The following NTM variants were observed in gnomAD, a reference collection of about 807,000 sequenced individuals.
NTM encodes neurotrimin, also known as IgLON family member 2.
A neutral mutation model predicts 42.1 loss-of-function variants in NTM; 13 were observed. That is an observed-to-expected ratio of 0.31 (90% confidence interval 0.20 to 0.49). The LOEUF (loss-of-function observed/expected upper bound fraction) is 0.49. Ranked by LOEUF, NTM falls within the 20% of genes least tolerant of loss-of-function variation. The probability of loss-of-function intolerance (pLI) is 0.99; values close to 1 mark genes in which losing one functional copy is unlikely to be tolerated. For synonymous variants in NTM, 187 were observed against 179.2 expected (o/e 1.04, Z -0.35); for missense variants, 373 against 452.8 (o/e 0.82, Z 1.60).
chr11:132,125,053 A>G (rs1041791880), intron 2 of NTM, among the ~76,000 whole-genome samples: 1 of 152,178 alleles, frequency 6.6e-6, no homozygotes, highest in Non-Finnish European at 1.5e-5. Flanking sequence ...CTTGAGTTCT[A>G]GAGCACAACC....
At chr11:132,204,370 T>G (rs1010077944) in intron 3 of NTM, among the ~76,000 whole-genome samples, 1 of 152,206 alleles carries the variant, frequency 6.6e-6, no homozygotes, top group Non-Finnish European at 1.5e-5. Flanking sequence ...GAAAAATTGT[T>G]GAACACAAAC....
At chr11:132,189,667 C>CACACAG (rs1282097627) in intron 3 of NTM, among the ~76,000 whole-genome samples, 4 of 151,646 alleles carry the variant, frequency 2.6e-5, no homozygotes, top group African/African-American at 9.7e-5. Context: ...CACACACACA[C>CACACAG]AGACACACAC....
chr11:131,440,598 A>G (rs945602604), intron 1 of NTM, among the ~76,000 whole-genome samples: 9 of 151,952 alleles, frequency 5.9e-5, no homozygotes, highest in African/African-American at 1.9e-4. Flanking sequence ...ATGGCCCCTG[A>G]AAGTGCATCT....
chr11:131,967,823 G>C (rs1376308903), intron 2 of NTM, among the ~76,000 whole-genome samples: 1 of 152,096 alleles, frequency 6.6e-6, no homozygotes, highest in Non-Finnish European at 1.5e-5. Context: ...TTAGAAATCT[G>C]GTTTCTATCT....
At chr11:132,033,623 C>T (rs920042574) in intron 2 of NTM, among the ~76,000 whole-genome samples, 2 of 152,170 alleles carry the variant, frequency 1.3e-5, no homozygotes, top group Admixed American at 1.3e-4. Flanking sequence ...CTAATGCTGT[C>T]ACTTTCCTGT....
chr11:131,521,680 C>A (rs944218410), intron 1 of NTM, among the ~76,000 whole-genome samples: 9 of 151,964 alleles, frequency 5.9e-5, no homozygotes, highest in African/African-American at 2.2e-4. Flanking sequence ...ACCTTCATGA[C>A]CCACACACCT....
chr11:132,336,785 C>CTGACT lies in NTM; in HGVS notation c.*1644_*1648dup, dbSNP rs983768126. On this transcript the variant is annotated 3_prime_UTR_variant, in exon 9 of 9. Coordinates refer to ENST00000683400, the MANE Select transcript of NTM (RefSeq NM_001352005.2). The stretch of plus-strand genomic sequence containing the variant: ...GGGATCCGGGAGGGTGGGGTTGTCT[C>CTGACT]TGACTTGACATTAAAAAGTGTTCCA... The CTGACT allele has an allele frequency of 6.6e-6, 1 of 152,010 alleles. No homozygotes were observed. Among genetic ancestry groups the CTGACT allele is most frequent in the African/African-American group, 2.4e-5 (1 of 41,378 alleles). 9.4% of individuals were successfully genotyped at this position (152,010 alleles called of 1,614,324 possible).
At chr11:132,180,605 A>G (rs1351407374) in intron 3 of NTM, among the ~76,000 whole-genome samples, 3 of 152,182 alleles carry the variant, frequency 2.0e-5, no homozygotes, top group African/African-American at 4.8e-5. Context: ...AACCAACCGA[A>G]CAAAAAAACA....
intron 2 of NTM, among the ~76,000 whole-genome samples, chr11:131,930,816 C>A (rs530716596): frequency 2.2e-4 from 33 of 152,144 alleles, no homozygotes; most frequent in Non-Finnish European, 4.0e-4. Flanking sequence ...AAATGTTTTT[C>A]ATTTGATGTT....
At chr11:131,627,687 C>G (rs1263185566) in intron 1 of NTM, among the ~76,000 whole-genome samples, 1 of 152,002 alleles carries the variant, frequency 6.6e-6, no homozygotes, top group Non-Finnish European at 1.5e-5. Context: ...AAAATTAACA[C>G]AGGCATGCTG....
chr11:132,100,685 G>T (rs568802715), intron 2 of NTM, among the ~76,000 whole-genome samples: 188 of 152,272 alleles, frequency 1.2e-3, no homozygotes, highest in African/African-American at 4.4e-3. Flanking sequence ...CTTCGGAAAG[G>T]CTTTATTGTC....
At chr11:132,176,542 T>G (rs1044086096) in intron 3 of NTM, among the ~76,000 whole-genome samples, 2 of 151,684 alleles carry the variant, frequency 1.3e-5, no homozygotes, top group Admixed American at 1.3e-4. Flanking sequence ...ATGCTGGTGT[T>G]TAACAAAAAA....
intron 1 of NTM, among the ~76,000 whole-genome samples, chr11:131,663,791 TACAC>T (rs546150941): frequency 1.3e-5 from 2 of 151,792 alleles, no homozygotes; most frequent in East Asian, 1.9e-4. Context: ...TACTAAACAA[TACAC>T]ACACACACAC....
chr11:131,825,456 A>T (rs1236432676), intron 1 of NTM, among the ~76,000 whole-genome samples: 1 of 152,010 alleles, frequency 6.6e-6, no homozygotes, highest in Non-Finnish European at 1.5e-5. Flanking sequence ...CTAGCACTTG[A>T]TGTCTTTGGC....
chr11:131,744,618 T>G (rs534405841), intron 1 of NTM, among the ~76,000 whole-genome samples: 4 of 150,718 alleles, frequency 2.7e-5, no homozygotes, highest in Admixed American at 6.6e-5. Flanking sequence ...AAAATTAATG[T>G]TTTTTTTAAA....
At chr11:132,040,913 T>A (rs1024113791) in intron 2 of NTM, among the ~76,000 whole-genome samples, 1 of 152,174 alleles carries the variant, frequency 6.6e-6, no homozygotes, top group South Asian at 2.1e-4. Context: ...AATGTCCTTA[T>A]TGGTTTAAAA....
chr11:132,273,928 C>CA (rs1342417082), intron 4 of NTM, among the ~76,000 whole-genome samples: 2 of 151,956 alleles, frequency 1.3e-5, no homozygotes, highest in Non-Finnish European at 2.9e-5. Flanking sequence ...AAAACAACAA[C>CA]AACAAAAAAC....
At chr11:131,560,725 C>A (rs1014655219) in intron 1 of NTM, among the ~76,000 whole-genome samples, 2 of 152,356 alleles carry the variant, frequency 1.3e-5, no homozygotes, top group South Asian at 4.1e-4. Flanking sequence ...CAATCGCTCT[C>A]TCATTAAATG....
intron 2 of NTM, among the ~76,000 whole-genome samples, chr11:131,998,748 G>T (rs1461548644): frequency 2.0e-5 from 3 of 151,976 alleles, no homozygotes; most frequent in African/African-American, 7.3e-5. Flanking sequence ...TTCTACTGTT[G>T]CCTTGGTATA....
Sources: allele counts gnomAD v4.1 joint callset (sites outside exome capture counted in the v4.1 genomes callset), GRCh38; gene constraint gnomAD v4.1.1; transcripts MANE v1.5; gene names NCBI Gene and HGNC (gene_info 2026-07-23, HGNC 2026-07-21).